Variants in HUWE1 observed in about 807,000 individuals in gnomAD.
The protein encoded by HUWE1 is HECT, UBA and WWE domain containing E3 ubiquitin protein ligase 1.
Under a neutral mutation model 299.4 loss-of-function variants are expected in HUWE1, and 18 were observed. The ratio of observed to expected loss-of-function variants is 0.06; its 90% CI spans 0.04 to 0.09. The LOEUF (loss-of-function observed/expected upper bound fraction) is 0.09, where lower values mean the gene tolerates loss of function less well. HUWE1 is among the 10% of genes least tolerant of loss of function. The pLI is 1.00. For synonymous variants in HUWE1, 1,317 were observed against 1,286.1 expected, an observed-to-expected ratio of 1.02 and a Z score of -0.51; for missense variants, 1,832 against 3,462.3, an observed-to-expected ratio of 0.53 and a Z score of 11.82.
intron 17 of HUWE1, among the ~76,000 whole-genome samples, 168 bp downstream of exon 17, chrX:53,627,242 G>A (rs782425932): frequency 9.0e-6 from 1 of 111,395 alleles, no homozygotes; most frequent in African/African-American, 3.3e-5. Flanking sequence ...TATTATCTTT[G>A]TGAAAAACAA....
At chrX:53,564,475 A>G (rs2062437409) in intron 51 of HUWE1, 99 bp downstream of exon 51, 2 of 988,905 alleles carry the variant, frequency 2.0e-6, no homozygotes, top group South Asian at 2.0e-5. Context: ...AGCAGCCAGC[A>G]TTGAGGCAAG....
intron 13 of HUWE1, 139 bp from the exon 14 acceptor site, chrX:53,629,041 G>T (rs2066700950): frequency 7.8e-6 from 4 of 512,551 alleles, no homozygotes; most frequent in South Asian, 3.1e-5. Context: ...TCTGTTGAGA[G>T]CAACAACGAA....
At chrX:53,664,455 C>A (rs2069152680) in intron 3 of HUWE1, among the ~76,000 whole-genome samples, 1 of 111,755 alleles carries the variant, frequency 8.9e-6, no homozygotes, top group Admixed American at 9.5e-5. Flanking sequence ...CTGCTGCCTA[C>A]TCTAGGAGCT....
intron 2 of HUWE1, among the ~76,000 whole-genome samples, chrX:53,682,337 CA>C (rs1267568534): frequency 8.9e-6 from 1 of 111,927 alleles, no homozygotes; most frequent in African/African-American, 3.3e-5. Context: ...AAAACACACC[CA>C]AAACACACAC....
chrX:53,584,433 G>A lies in HUWE1; in HGVS notation c.5002-88C>T, dbSNP rs1169151156. 4 of 767,338 alleles carry A rather than the reference G, an allele frequency of 5.2e-6. No individual in the cohort carries two copies. The African/African-American group carries it at 8.5e-5, about 16-fold the overall frequency. The allele number at this position is 767,338 out of a possible 1,213,427, so 63.2% of individuals were successfully genotyped here. The stretch of plus-strand genomic sequence containing the variant: ...GGGAGGGACATCTCCCAGGTAAAAT[G>A]CTACAACAGGAAGGAACTCTGGCAA... On this transcript the variant is annotated intron_variant, in intron 40 of 83. Coordinates refer to ENST00000262854, the MANE Select transcript of HUWE1 (RefSeq NM_031407.7).
intron 19 of HUWE1, among the ~76,000 whole-genome samples, chrX:53,621,191 G>A (rs1197242006): frequency 2.7e-5 from 3 of 110,758 alleles, no homozygotes; most frequent in South Asian, 7.7e-4. Context: ...CTGGCACTTC[G>A]GCATGCCAAA....
chrX:53,610,521 C>T (rs1291725806), intron 23 of HUWE1, among the ~76,000 whole-genome samples: 1 of 112,011 alleles, frequency 8.9e-6, no homozygotes, highest in Non-Finnish European at 1.9e-5. Flanking sequence ...TCTCCCTTTC[C>T]CCAAACATAC....
chrX:53,646,073 C>T (rs782093531), intron 6 of HUWE1, among the ~76,000 whole-genome samples: 3 of 110,581 alleles, frequency 2.7e-5, no homozygotes, highest in Admixed American at 9.6e-5. Flanking sequence ...CTAAAGATAT[C>T]GATAACAGCT....
chrX:53,570,078 T>C (rs1342873467), intron 47 of HUWE1, among the ~76,000 whole-genome samples: 1 of 112,578 alleles, frequency 8.9e-6, no homozygotes, highest in African/African-American at 3.2e-5. Context: ...GTAGATGTCA[T>C]GTATTTTTAA....
intron 36 of HUWE1, among the ~76,000 whole-genome samples, chrX:53,589,275 G>A (rs906902357): frequency 2.7e-5 from 3 of 112,014 alleles, no homozygotes; most frequent in Non-Finnish European, 5.6e-5. Flanking sequence ...TATTAGTCCA[G>A]GGGACGAACC....
intron 23 of HUWE1, among the ~76,000 whole-genome samples, chrX:53,612,477 A>G (rs2065540558): frequency 1.8e-5 from 2 of 112,081 alleles, no homozygotes; most frequent in Non-Finnish European, 3.8e-5. Flanking sequence ...AGCATTTAAG[A>G]CTTCAGGAAT....
chrX:53,600,150 G>A lies in HUWE1; in HGVS notation c.3131C>T (p.Ala1044Val). 8.3e-7 allele frequency: 1 copy of A among 1,211,498 alleles called. No individual in the cohort carries two copies. The highest frequency in any genetic ancestry group is 1.1e-6 in the Non-Finnish European group (1 of 895,110). Residue 1044 changes from alanine (A) to valine (V), a missense_variant, in exon 29 of 84, where the codon GCC becomes GTC. This residue lies in a region of HUWE1 where 658 missense variants were observed against 1,282.6 expected (regional missense o/e 0.51). Coordinates refer to ENST00000262854, the MANE Select transcript of HUWE1 (RefSeq NM_031407.7). Reference sequence around the variant, plus strand: ...CAAAGGCTTGATTTGCTTAATTCTGGCAGCCATTGCTGGTGTGATTTTAGA... The same window carrying A: ...CAAAGGCTTGATTTGCTTAATTCTGACAGCCATTGCTGGTGTGATTTTAGA... ...GKSKITPAMA[A>V]RIKQIKPLLS...
At chrX:53,683,142 G>A (rs1279852932) in intron 2 of HUWE1, among the ~76,000 whole-genome samples, 2 of 111,250 alleles carry the variant, frequency 1.8e-5, no homozygotes, top group Admixed American at 9.5e-5. Flanking sequence ...GCGGGCTAGA[G>A]GACTTAGGCT....
rs782303384 is a variant in HUWE1 at position 53,544,793 on chromosome X, T to C, written c.11049-31A>G. ...TAGTGTAGAGGTGGCTTGCGTATAT[T>C]GACAGCATCAAAGTATAAACACCCA... On this transcript the variant is annotated intron_variant, in intron 71 of 83. Coordinates refer to ENST00000262854, the MANE Select transcript of HUWE1 (RefSeq NM_031407.7). 1.4e-5 allele frequency: 16 copies of C among 1,105,253 alleles called. No individual in the cohort carries two copies. In the Admixed American group the frequency reaches 3.5e-4, roughly 24 times the overall value. 91.1% of individuals were successfully genotyped at this position (1,105,253 alleles called of 1,213,427 possible).
intron 43 of HUWE1, among the ~76,000 whole-genome samples, chrX:53,580,317 A>G (rs781817383): frequency 2.7e-5 from 3 of 112,355 alleles, no homozygotes; most frequent in South Asian, 3.7e-4. Flanking sequence ...ACTTTTCTCT[A>G]TAAGAAATGA....
intron 3 of HUWE1, among the ~76,000 whole-genome samples, chrX:53,662,755 A>G (rs186388988): frequency 8.9e-6 from 1 of 111,990 alleles, no homozygotes; most frequent in East Asian, 2.8e-4. Flanking sequence ...GCTTACAAAG[A>G]AGGAAAGGAG....
chrX:53,581,497 A>C (rs1162014248), intron 42 of HUWE1, among the ~76,000 whole-genome samples: 3 of 112,558 alleles, frequency 2.7e-5, no homozygotes, highest in East Asian at 5.5e-4. Flanking sequence ...TTGCCTTGAT[A>C]ACACAGGGCT....
At chrX:53,569,903 C>T in intron 47 of HUWE1, 76 bp from the exon 48 acceptor site, 3 of 847,058 alleles carry the variant, frequency 3.5e-6, no homozygotes, top group Middle Eastern at 2.7e-4. Context: ...CAAAGATACA[C>T]ACACACATAG....
rs782629454 is a variant in HUWE1 at position 53,554,864 on chromosome X, T to C, written c.8263A>G (p.Thr2755Ala). Reference sequence around the variant, plus strand: ...CCAAGGGTCTCCTTGGACTCAGATGTAGCTGCATCAGTTGAAGATGGGGTT... The same window carrying C: ...CCAAGGGTCTCCTTGGACTCAGATGCAGCTGCATCAGTTGAAGATGGGGTT... ...PTTPSSTDAATSESKETLGTL... is the reference protein window; with the variant it reads ...PTTPSSTDAAASESKETLGTL... Residue 2755 changes from threonine (T) to alanine (A), a missense_variant, in exon 61 of 84, where the codon ACA becomes GCA. Transcript: ENST00000262854. 8.3e-7 allele frequency: 1 copy of C among 1,198,183 alleles called. No individual in the cohort carries two copies.
Sources: gnomAD v4.1 joint callset for allele counts (sites outside exome capture counted in the v4.1 genomes callset) on GRCh38, gnomAD v4.1.1 for gene constraint, gnomAD v4.1.1 regional missense constraint, MANE v1.5 for transcripts, NCBI Gene and HGNC (gene_info 2026-07-23, HGNC 2026-07-21) for gene names.